The following UGT2B15 variants were observed in gnomAD, a reference collection of about 807,000 sequenced individuals.
UGT2B15 encodes UDP-glucuronosyltransferase 2B15.
In UGT2B15, 36 loss-of-function variants were observed where a neutral mutation model predicts 45.9. That is an observed-to-expected ratio of 0.78 (90% confidence interval 0.60 to 1.04). The LOEUF is 1.04. Among genes scored for constraint, UGT2B15 ranks in the 50% least tolerant of loss-of-function variants. The pLI is 0.00. For missense variants in UGT2B15, 617 were observed against 622.4 expected (o/e 0.99, Z 0.09); for synonymous variants, 219 against 216.4 (o/e 1.01, Z -0.11).
In UGT2B15 at chr4:68,647,534, C is replaced by A. The variant is rs1041510345; in HGVS notation, c.1314-151G>T. ...GAAATTTCAATGTTTTAATTCATGT[C>A]ATTACAGAAAGTTTGGTTTTTAAAT... On this transcript the variant is annotated intron_variant, in intron 5 of 5. Transcript: ENST00000338206. 6 of 1,050,764 alleles carry A rather than the reference C, an allele frequency of 5.7e-6. No homozygotes were observed. The African/African-American group carries it at 6.5e-5, about 11-fold the overall frequency. The allele number at this position is 1,050,764 out of a possible 1,614,324, so 65.1% of individuals were successfully genotyped here.
At chr4:68,650,319 C>T (rs1732613713) in intron 5 of UGT2B15, among the ~76,000 whole-genome samples, 1 of 151,786 alleles carries the variant, frequency 6.6e-6, no homozygotes, top group African/African-American at 2.4e-5. Flanking sequence ...CCCCTTCCAT[C>T]CCCCGGTGTG....
intron 5 of UGT2B15, among the ~76,000 whole-genome samples, chr4:68,652,446 T>A (rs1315734692): frequency 6.6e-6 from 1 of 151,572 alleles, no homozygotes; most frequent in Non-Finnish European, 1.5e-5. Flanking sequence ...ACCTGTTTTA[T>A]GTTTCTTTAC....
intron 3 of UGT2B15, among the ~76,000 whole-genome samples, chr4:68,659,343 T>C (rs1732896210): frequency 6.6e-6 from 1 of 152,034 alleles, no homozygotes; most frequent in African/African-American, 2.4e-5. Flanking sequence ...AATTATGATT[T>C]TTTCTGACCT....
intron 5 of UGT2B15, among the ~76,000 whole-genome samples, chr4:68,653,363 G>C (rs1287957999): frequency 6.6e-6 from 1 of 151,884 alleles, no homozygotes; most frequent in Non-Finnish European, 1.5e-5. Context: ...AACTAATTAT[G>C]CTAAGTGAAA....
intron 3 of UGT2B15, among the ~76,000 whole-genome samples, chr4:68,659,143 A>G (rs951096504): frequency 6.6e-6 from 1 of 152,004 alleles, no homozygotes; most frequent in Non-Finnish European, 1.5e-5. Context: ...AAACAAAGTT[A>G]TTTGGCTTCA....
chr4:68,647,000 T>G lies in UGT2B15; in HGVS notation c.*104A>C, dbSNP rs1481280564. ...CTTAACAAGGTAAGTTGTGAAAAGATGTTTTGTCACAGGAAAAAGGAAATC... is the reference window on the plus strand; with the variant it reads ...CTTAACAAGGTAAGTTGTGAAAAGAGGTTTTGTCACAGGAAAAAGGAAATC... On this transcript the variant is annotated 3_prime_UTR_variant, in exon 6 of 6. Transcript: ENST00000338206. 6.7e-7 allele frequency: 1 copy of G among 1,492,186 alleles called. No homozygotes were observed. The highest frequency in any genetic ancestry group is 1.4e-5 in the African/African-American group (1 of 71,102). The allele number at this position is 1,492,186 out of a possible 1,614,324, so 92.4% of individuals were successfully genotyped here.
chr4:68,669,627 T>C (rs1173801593), intron 1 of UGT2B15, among the ~76,000 whole-genome samples: 5 of 152,146 alleles, frequency 3.3e-5, no homozygotes. Flanking sequence ...AGCAAAATGA[T>C]ATGTGATAGT....
intron 1 of UGT2B15, 130 bp downstream of exon 1, chr4:68,669,765 A>G (rs1301411631): frequency 1.5e-6 from 2 of 1,317,792 alleles, no homozygotes; most frequent in Non-Finnish European, 1.0e-6. Flanking sequence ...AGACTGATAG[A>G]TCATCTTACA....
At chr4:68,669,332 C>G (rs1578202016) in intron 1 of UGT2B15, among the ~76,000 whole-genome samples, 4 of 152,000 alleles carry the variant, frequency 2.6e-5, no homozygotes, top group South Asian at 2.1e-4. Context: ...TAATTGTCAA[C>G]CTGTTATTGA....
At chr4:68,654,596 C>A (rs991273098) in intron 4 of UGT2B15, among the ~76,000 whole-genome samples, 4 of 151,524 alleles carry the variant, frequency 2.6e-5, no homozygotes, top group African/African-American at 4.9e-5. Context: ...TTTTAAAAGG[C>A]AGCAGGGAGT....
chr4:68,664,422 G>A (rs1332039549), intron 2 of UGT2B15, among the ~76,000 whole-genome samples: 5 of 151,798 alleles, frequency 3.3e-5, no homozygotes, highest in African/African-American at 7.3e-5. Context: ...AACCCCTTCT[G>A]TCATAACAAA....
intron 3 of UGT2B15, among the ~76,000 whole-genome samples, chr4:68,658,997 C>T (rs1432021280): frequency 6.6e-6 from 1 of 151,946 alleles, no homozygotes; most frequent in African/African-American, 2.4e-5. Flanking sequence ...ATATGGGCCC[C>T]TGTGTCAGAT....
At chr4:68,651,434 T>A (rs543648294) in intron 5 of UGT2B15, among the ~76,000 whole-genome samples, 52 of 152,222 alleles carry the variant, frequency 3.4e-4, no homozygotes, top group African/African-American at 1.2e-3. Flanking sequence ...CTTGTTTTTG[T>A]ATGGTTTGTC....
chr4:68,666,733 C>CATATATATATATAT (rs975003043), intron 2 of UGT2B15, among the ~76,000 whole-genome samples: 2 of 136,366 alleles, frequency 1.5e-5, no homozygotes, highest in African/African-American at 5.4e-5. Flanking sequence ...TATCAAATTA[C>CATATATATATATAT]ATATATATAT....
At chr4:68,661,939 T>C (rs1732979751) in intron 3 of UGT2B15, among the ~76,000 whole-genome samples, 1 of 152,222 alleles carries the variant, frequency 6.6e-6, no homozygotes, top group East Asian at 1.9e-4. Flanking sequence ...AGCCTTGATA[T>C]ATGGTCAGCT....
At chr4:68,661,949 T>C (rs578028461) in intron 3 of UGT2B15, among the ~76,000 whole-genome samples, 1 of 152,218 alleles carries the variant, frequency 6.6e-6, no homozygotes, top group South Asian at 2.1e-4. Context: ...TATGGTCAGC[T>C]ATAGCCAGTC....
intron 3 of UGT2B15, among the ~76,000 whole-genome samples, chr4:68,661,497 T>C (rs1169649741): frequency 2.0e-5 from 3 of 152,030 alleles, no homozygotes; most frequent in Admixed American, 6.6e-5. Context: ...ATATACTTTA[T>C]ACTAGCTGTA....
At chr4:68,669,504 C>T (rs1412858883) in intron 1 of UGT2B15, among the ~76,000 whole-genome samples, 3 of 152,038 alleles carry the variant, frequency 2.0e-5, no homozygotes, top group African/African-American at 7.2e-5. Flanking sequence ...TTCCTCAATC[C>T]TGCATTGATA....
chr4:68,662,403 T>C (rs1328863270), intron 3 of UGT2B15, among the ~76,000 whole-genome samples: 1 of 150,306 alleles, frequency 6.7e-6, no homozygotes, highest in Non-Finnish European at 1.5e-5. Context: ...TTTTTTTTTT[T>C]CTCTAAATCT....
Sources: gnomAD v4.1 joint callset for allele counts (sites outside exome capture counted in the v4.1 genomes callset) on GRCh38, gnomAD v4.1.1 for gene constraint, MANE v1.5 for transcripts, NCBI Gene and HGNC (gene_info 2026-07-23, HGNC 2026-07-21) for gene names.